The following HARBI1 variants were observed in gnomAD, a reference collection of about 807,000 sequenced individuals.
HARBI1 encodes the protein putative nuclease HARBI1.
In HARBI1, 15 loss-of-function variants were observed where a neutral mutation model predicts 25.3. The ratio of observed to expected loss-of-function variants is 0.59; its 90% CI spans 0.40 to 0.91. The LOEUF is 0.91. Among genes scored for constraint, HARBI1 ranks in the 40% least tolerant of loss-of-function variants. HARBI1 has a pLI of 0.00. For synonymous variants in HARBI1, 168 were observed against 160.5 expected (o/e 1.05, Z -0.35); for missense variants, 396 against 445.8 (o/e 0.89, Z 1.01).
intron 2 of HARBI1, among the ~76,000 whole-genome samples, chr11:46,614,843 TA>T (rs1355695027): frequency 1.1e-4 from 17 of 152,342 alleles, no homozygotes; most frequent in East Asian, 1.9e-4. Flanking sequence ...TGAGGTCTCA[TA>T]AAAAACTGAC....
chr11:46,606,687 C>T lies in HARBI1; in HGVS notation c.671-2778G>A, dbSNP rs149723548. 5.4e-3 allele frequency among the ~76,000 whole-genome samples: 823 copies of T among 152,136 alleles called. 6 individuals carry two copies. The highest frequency in any genetic ancestry group is 0.019 in the African/African-American group (794 of 41,502). On this transcript the variant is annotated intron_variant, in intron 2 of 2. Transcript: ENST00000326737. The stretch of plus-strand genomic sequence containing the variant: ...AGACAGAGTCTCACTCTGTTGCCCA[C>T]GCTGAAGTGCAGTGGTATGATCATA...
At chr11:46,617,033 A>C in intron 1 of HARBI1, 91 bp downstream of exon 1, 8 of 984,058 alleles carry the variant, frequency 8.1e-6, no homozygotes, top group Non-Finnish European at 7.2e-6. Flanking sequence ...AGGTTTGGGA[A>C]GCGACTCTGC....
intron 2 of HARBI1, among the ~76,000 whole-genome samples, chr11:46,609,847 A>C (rs1029287227): frequency 2.7e-5 from 4 of 147,696 alleles, no homozygotes; most frequent in African/African-American, 1.0e-4. Flanking sequence ...AATAAATAAA[A>C]GAATTTTTTT....
Position 46,610,387 on chromosome 11 carries a change from C to T in HARBI1, c.670+5181G>A, listed in dbSNP as rs533977311. Among the ~76,000 whole-genome samples, 29 of 150,136 alleles carry T rather than the reference C, an allele frequency of 1.9e-4. 1 individual carries two copies. The East Asian group carries it at 3.6e-3, about 18-fold the overall frequency. On this transcript the variant is annotated intron_variant, in intron 2 of 2. Transcript: ENST00000326737. ...TATAAAATAATAAAAAGGCCAGGCG[C>T]GGTGGGCTCACGCCTGTAATCCCAG...
At chr11:46,610,530 G>A (rs2045137182) in intron 2 of HARBI1, among the ~76,000 whole-genome samples, 1 of 151,832 alleles carries the variant, frequency 6.6e-6, no homozygotes, top group African/African-American at 2.4e-5. Flanking sequence ...CGTGGTGGCG[G>A]GCGCCTATAG....
intron 2 of HARBI1, among the ~76,000 whole-genome samples, chr11:46,604,936 A>G (rs1349344311): frequency 6.6e-6 from 1 of 152,156 alleles, no homozygotes; most frequent in African/African-American, 2.4e-5. Flanking sequence ...TGCTAACAAA[A>G]CAACAACAAC....
intron 2 of HARBI1, among the ~76,000 whole-genome samples, chr11:46,614,142 TA>T (rs1313879175): frequency 6.0e-5 from 9 of 151,104 alleles, no homozygotes; most frequent in Admixed American, 6.6e-5. Flanking sequence ...TATATATATA[TA>T]TAGGCTGGGC....
chr11:46,616,954 C>T, intron 1 of HARBI1, 170 bp downstream of exon 1: 1 of 984,766 alleles, frequency 1.0e-6, no homozygotes, highest in African/African-American at 1.8e-5. Flanking sequence ...AATCGTGAAC[C>T]TGAGGGCCAG....
intron 2 of HARBI1, among the ~76,000 whole-genome samples, chr11:46,610,539 A>G (rs2135393226): frequency 6.6e-6 from 1 of 152,062 alleles, no homozygotes; most frequent in African/African-American, 2.4e-5. Context: ...GGGCGCCTAT[A>G]GTCCCAGCTA....
Position 46,603,651 on chromosome 11 carries a change from C to A in HARBI1, c.929G>T (p.Trp310Leu). The change falls in exon 3 of 3, where the codon TGG becomes TTG. Residue 310 changes from tryptophan to leucine, a missense_variant. By Grantham distance (61) the Trp-to-Leu change is moderately conservative. Transcript: ENST00000326737. ...NISLEHGMDVWSSPMTGPMEQ... is the reference protein window; with the variant it reads ...NISLEHGMDVLSSPMTGPMEQ... Reference sequence around the variant, plus strand: ...CATGGGTCCTGTCATTGGAGAGGACCAAACATCCATCCCATGCTCCAGGGA... The same window carrying A: ...CATGGGTCCTGTCATTGGAGAGGACAAAACATCCATCCCATGCTCCAGGGA... 6.2e-7 allele frequency: 1 copy of A among 1,614,162 alleles called. No individual in the cohort carries two copies. Among genetic ancestry groups the A allele is most frequent in the East Asian group, 2.2e-5 (1 of 44,878 alleles).
chr11:46,604,243 T>C, intron 2 of HARBI1: 1 of 984,378 alleles, frequency 1.0e-6, no homozygotes, highest in Non-Finnish European at 1.2e-6. Flanking sequence ...GCATGGTGAC[T>C]CACGCCTGTA....
chr11:46,605,483 G>A (rs572039580), intron 2 of HARBI1, among the ~76,000 whole-genome samples: 5 of 150,902 alleles, frequency 3.3e-5, no homozygotes, highest in African/African-American at 9.7e-5. Flanking sequence ...GAATTACAGC[G>A]CCGAGCAGGA....
Position 46,603,650 on chromosome 11 carries a change from C to A in HARBI1, c.930G>T (p.Trp310Cys). ...CCATGGGTCCTGTCATTGGAGAGGA[C>A]CAAACATCCATCCCATGCTCCAGGG... ...NISLEHGMDV[W>C]SSPMTGPMEQ... is the part of the protein sequence containing the mutation. Residue 310 changes from tryptophan (W) to cysteine (C), a missense_variant, in exon 3 of 3, where the codon TGG becomes TGT. Transcript: ENST00000326737. 6.2e-7 allele frequency: 1 copy of A among 1,614,162 alleles called. No homozygotes were observed. The highest frequency in any genetic ancestry group is 2.2e-5 in the East Asian group (1 of 44,874).
Position 46,603,577 on chromosome 11 carries a change from C to T in HARBI1, c.1003G>A (p.Glu335Lys). The T allele has an allele frequency of 6.2e-7, 1 of 1,612,942 alleles. No homozygotes were observed. Among genetic ancestry groups the T allele is most frequent in the Admixed American group, 1.7e-5 (1 of 59,940 alleles). ...EYEHMESLDL[E>K]ADRIRQELML... Reference sequence around the variant, plus strand: ...AGCTCCTGACGAATACGGTCAGCCTCTAAGTCCAGGGACTCCATGTGCTCA... The same window carrying T: ...AGCTCCTGACGAATACGGTCAGCCTTTAAGTCCAGGGACTCCATGTGCTCA... The change falls in exon 3 of 3, where the codon GAG becomes AAG. Residue 335 changes from glutamate (E) to lysine (K), a missense_variant. By Grantham distance (56) the Glu-to-Lys change is moderately conservative (BLOSUM62 1). Transcript: ENST00000326737.
At chr11:46,610,843 G>A (rs182920750) in intron 2 of HARBI1, among the ~76,000 whole-genome samples, 3 of 152,076 alleles carry the variant, frequency 2.0e-5, no homozygotes, top group African/African-American at 7.2e-5. Context: ...CTGAATCTTG[G>A]ATCCCAAGGT....
chr11:46,614,365 A>G (rs975840430), intron 2 of HARBI1, among the ~76,000 whole-genome samples: 1 of 152,054 alleles, frequency 6.6e-6, no homozygotes, highest in African/African-American at 2.4e-5. Context: ...CGGAGGTTGC[A>G]GTGAGCCAAG....
intron 1 of HARBI1, chr11:46,616,907 T>C: frequency 1.0e-6 from 1 of 974,820 alleles, no homozygotes; most frequent in Non-Finnish European, 1.2e-6. Flanking sequence ...CACTGTGTGC[T>C]GTAACAAAAG....
Position 46,615,872 on chromosome 11 carries a change from T to A in HARBI1, c.366A>T (p.Pro122=), listed in dbSNP as rs746902117. The A allele has an allele frequency of 5.0e-6, 8 of 1,614,166 alleles. No homozygotes were observed. Among genetic ancestry groups the A allele is most frequent in the Non-Finnish European group, 5.9e-6 (7 of 1,180,030 alleles). The change falls in exon 2 of 3, where the codon CCA becomes CCT. Residue 122 remains proline (P), a synonymous_variant. Transcript: ENST00000326737. Reference sequence around the variant, plus strand: ...GAGCCTGAATGGAGGCTTCATCAGCTGGAAAGCGAATGAACTGTGAGGCCC... The same window carrying A: ...GAGCCTGAATGGAGGCTTCATCAGCAGGAAAGCGAATGAACTGTGAGGCCC... ...VERASQFIRF[P]ADEASIQALK...
rs1360006996 is a variant in HARBI1, at chr11:46,615,606, TGACTACTGAGGGAA to T, written c.618_631del (p.Ser207ValfsTer2). ...ATCTTTGTGCATACCCGCTTCAAAC[TGACTACTGAGGGAA>T]GACTGCTGCAGCACAGCACAGTCCT... On this transcript the variant is annotated frameshift_variant, in exon 2 of 3. Coordinates refer to ENST00000326737, the MANE Select transcript of HARBI1 (RefSeq NM_173811.4). LOFTEE classifies it high-confidence loss of function. 6.2e-7 allele frequency: 1 copy of T among 1,614,184 alleles called. No homozygotes were observed. Among genetic ancestry groups the T allele is most frequent in the East Asian group, 2.2e-5 (1 of 44,882 alleles).
Sources: gnomAD v4.1 joint callset for allele counts (sites outside exome capture counted in the v4.1 genomes callset) on GRCh38, gnomAD v4.1.1 for gene constraint, MANE v1.5 for transcripts, NCBI Gene and HGNC (gene_info 2026-07-23, HGNC 2026-07-21) for gene names.